SUPT5H: variants seen among roughly 807,000 people sequenced by gnomAD.
SUPT5H encodes SPT5 homolog, DSIF elongation factor subunit.
SUPT5H carries 24 observed loss-of-function variants against 142.5 expected under a neutral mutation model. That is an observed-to-expected ratio of 0.17 (90% CI 0.12 to 0.24). The LOEUF (loss-of-function observed/expected upper bound fraction) is 0.24. Among genes scored for constraint, SUPT5H ranks in the 10% least tolerant of loss-of-function variants. The pLI is 1.00. For missense variants in SUPT5H, 893 were observed against 1,471.8 expected, an observed-to-expected ratio of 0.61 and a Z score of 6.43; for synonymous variants, 546 against 553.0, an observed-to-expected ratio of 0.99 and a Z score of 0.18.
At chr19:39,450,439 G>T (rs1008377373) in intron 2 of SUPT5H, among the ~76,000 whole-genome samples, 5 of 152,140 alleles carry the variant, frequency 3.3e-5, no homozygotes, top group African/African-American at 1.2e-4. Flanking sequence ...CTGCGCCCAG[G>T]CCCAGAGGGG....
chr19:39,465,100 C>T (rs748437503), intron 11 of SUPT5H, 51 bp downstream of exon 11: 21 of 1,565,078 alleles, frequency 1.3e-5, no homozygotes, highest in Admixed American at 1.8e-5. Flanking sequence ...TTCTGTTCTC[C>T]CTTCCTTTCC....
rs1325603606 is a variant in SUPT5H, at chr19:39,466,323, A to C, written c.877-157A>C. 6 of 675,156 alleles carry C rather than the reference A, an allele frequency of 8.9e-6. No homozygotes were observed. Among genetic ancestry groups the C allele is most frequent in the Non-Finnish European group, 1.6e-5 (6 of 379,876 alleles). The allele number at this position is 675,156 out of a possible 1,614,324, so 41.8% of individuals were successfully genotyped here. A position where few individuals can be genotyped will look rare whatever the true frequency, so the allele number is the denominator to read the frequency against. On this transcript the variant is annotated intron_variant, in intron 11 of 29. Coordinates refer to ENST00000432763, the MANE Select transcript of SUPT5H (RefSeq NM_001111020.3). The surrounding 1 kb of genome is among the most constrained non-coding windows in gnomAD (Gnocchi z 4.3). ...TACTCAGTGCCAGAGTTGAGGGGAC[A>C]GACAAGCTAGCGTGGGACTTTTGGG... is the stretch of plus-strand genomic sequence containing the variant.
chr19:39,459,496 T>C (rs1600707090), intron 8 of SUPT5H, 63 bp from the exon 9 acceptor site: 1 of 1,599,068 alleles, frequency 6.3e-7, no homozygotes, highest in Admixed American at 1.7e-5. Context: ...GCCCTGGGGG[T>C]TCGTCTGTTT....
intron 2 of SUPT5H, among the ~76,000 whole-genome samples, chr19:39,451,720 C>T (rs1436167873): frequency 3.3e-5 from 5 of 152,050 alleles, no homozygotes; most frequent in Admixed American, 6.6e-5. Context: ...TTAGTAAAGA[C>T]GGGGTTTCAC....
Position 39,455,498 on chromosome 19 carries a change from G to T in SUPT5H, c.241+1977G>T, listed in dbSNP as rs113853505. Among the ~76,000 whole-genome samples, 292 of 152,050 alleles carry T rather than the reference G, an allele frequency of 1.9e-3. 1 individual carries two copies. Among genetic ancestry groups the T allele is most frequent in the African/African-American group, 6.7e-3 (277 of 41,506 alleles). ...AATTGCTTGAACCCGGGAGGTGGAG[G>T]TTGCAGTGAGCCGAGATTGCTGCAC... On this transcript the variant is annotated intron_variant, in intron 3 of 29. Transcript: ENST00000432763.
In SUPT5H at chr19:39,469,944, C is replaced by T. The variant is rs1022935381; in HGVS notation, c.1375-175C>T. ...GTTGGTGTCCTGTGTCTGGGGTCAG[C>T]TGTTTCTGGGGCAGTCTGAGGGGTC... On this transcript the variant is annotated intron_variant, in intron 16 of 29. Transcript: ENST00000432763. The surrounding 1 kb of genome is among the most constrained non-coding windows in gnomAD (Gnocchi z 5.1). The T allele has an allele frequency of 2.5e-6, 2 of 788,548 alleles. No individual in the cohort carries two copies. Among genetic ancestry groups the T allele is most frequent in the African/African-American group, 1.8e-5 (1 of 56,768 alleles). 48.8% of individuals were successfully genotyped at this position (788,548 alleles called of 1,614,324 possible).
chr19:39,458,176 C>G lies in SUPT5H; in HGVS notation c.308-118C>G, dbSNP rs568281673. 250 of 1,493,666 alleles carry G rather than the reference C, an allele frequency of 1.7e-4. 1 individual carries two copies. In the Middle Eastern group the frequency reaches 1.9e-3, roughly 11 times the overall value. 92.5% of individuals were successfully genotyped at this position (1,493,666 alleles called of 1,614,324 possible). On this transcript the variant is annotated intron_variant, in intron 4 of 29. Coordinates refer to ENST00000432763, the MANE Select transcript of SUPT5H (RefSeq NM_001111020.3). This position sits in a 1 kb window ranked among gnomAD's most constrained non-coding sequence, Gnocchi z 4.2. ...TCTGTGTCCCTCCCTTCCCCTCCCC[C>G]AACCCATTGGTTGATTTTGCTGCTA...
Position 39,474,270 on chromosome 19 carries a change from C to T in SUPT5H, c.2688C>T (p.Pro896=). The change falls in exon 27 of 30, where the codon CCC becomes CCT. Residue 896 remains proline, a synonymous_variant. Transcript: ENST00000432763. The surrounding 1 kb of genome is among the most constrained non-coding windows in gnomAD (Gnocchi z 6.5). The part of the protein sequence containing the change: ...NTDQFSPYAA[P]SPQGSYQPSP... ...ACCAGTTCTCTCCCTATGCTGCCCC[C>T]TCCCCACAAGGTTCCTACCAGCCCA... The T allele has an allele frequency of 1.2e-6, 2 of 1,614,098 alleles. No homozygotes were observed. Among genetic ancestry groups the T allele is most frequent in the Non-Finnish European group, 1.7e-6 (2 of 1,179,980 alleles).
In SUPT5H at chr19:39,474,120, A is replaced by T; in HGVS notation, c.2650A>T (p.Met884Leu). 1.2e-6 allele frequency: 2 copies of T among 1,600,402 alleles called. No individual in the cohort carries two copies. The change falls in exon 26 of 30, where the codon ATG becomes TTG. Residue 884 changes from methionine (M) to leucine (L), a missense_variant and splice_region_variant. Coordinates refer to ENST00000432763, the MANE Select transcript of SUPT5H (RefSeq NM_001111020.3). The surrounding 1 kb of genome is among the most constrained non-coding windows in gnomAD (Gnocchi z 6.5). ...CCCGCAGACGCCAGGGACGCCGGCC[A>T]TGTGAGTCCACTGGGGCCTGCCCTC... Reference protein sequence around the residue: ...YNPQTPGTPAMYNTDQFSPYA... With the variant: ...YNPQTPGTPALYNTDQFSPYA...
In SUPT5H at chr19:39,476,643, C is replaced by A. The variant is rs2079410508; in HGVS notation, c.*244C>A. ...AGCTTGCTTTTGTTGTACCGTCTTT[C>A]AATAAAAAGAAGCTGTTTGGTCTAA... On this transcript the variant is annotated 3_prime_UTR_variant, in exon 30 of 30. Coordinates refer to ENST00000432763, the MANE Select transcript of SUPT5H (RefSeq NM_001111020.3). 2 of 534,436 alleles carry A rather than the reference C, an allele frequency of 3.7e-6. No individual in the cohort carries two copies. Among genetic ancestry groups the A allele is most frequent in the Non-Finnish European group, 6.7e-6 (2 of 299,186 alleles). 33.1% of individuals were successfully genotyped at this position (534,436 alleles called of 1,614,324 possible). A position where few individuals can be genotyped will look rare whatever the true frequency, so the allele number is the denominator to read the frequency against.
chr19:39,466,216 G>A lies in SUPT5H; in HGVS notation c.877-264G>A, dbSNP rs2079233371. 6.6e-6 allele frequency among the ~76,000 whole-genome samples: 1 copy of A among 152,068 alleles called. No individual in the cohort carries two copies. Among genetic ancestry groups the A allele is most frequent in the Non-Finnish European group, 1.5e-5 (1 of 67,990 alleles). On this transcript the variant is annotated intron_variant, in intron 11 of 29. Transcript: ENST00000432763. The surrounding 1 kb of genome is among the most constrained non-coding windows in gnomAD (Gnocchi z 4.3). ...ATGGAGTGGGAGGCGGCAGGTTTGG[G>A]GGAATCAGCGGTTTGGCTGCGGTCG... is the stretch of plus-strand genomic sequence containing the variant.
chr19:39,473,101 C>T lies in SUPT5H; in HGVS notation c.2245C>T (p.Arg749Trp). The change falls in exon 23 of 30, where the codon CGG (arginine) becomes TGG (tryptophan). Residue 749 changes from arginine (R) to tryptophan (W), a missense_variant. By Grantham distance (101) the Arg-to-Trp change is moderately radical. Around this residue, in one of 6 missense-constraint regions of SUPT5H, gnomAD observed 336 missense variants for 546.5 expected, o/e 0.61. Transcript: ENST00000432763. The surrounding 1 kb of genome is among the most constrained non-coding windows in gnomAD (Gnocchi z 5.8). ...CCAGACCATCTCTGTGGACCGTCAG[C>T]GGCTCACCACGGTGTACGGGCGGGG... ...TCQTISVDRQ[R>W]LTTVGSRRPG... 2 of 1,613,226 alleles carry T rather than the reference C, an allele frequency of 1.2e-6. No individual in the cohort carries two copies. Among genetic ancestry groups the T allele is most frequent in the Non-Finnish European group, 1.7e-6 (2 of 1,179,836 alleles).
At chr19:39,460,576 A>G (rs1171741186) in intron 10 of SUPT5H, among the ~76,000 whole-genome samples, 1 of 152,154 alleles carries the variant, frequency 6.6e-6, no homozygotes, top group Non-Finnish European at 1.5e-5. Context: ...CGTCTCTACT[A>G]AAAATACAAA....
At position 39,463,241 on chromosome 19, in the gene SUPT5H, A is replaced by G. The variant is rs371854721; in HGVS notation, c.625-1557A>G. Among the ~76,000 whole-genome samples the G allele has an allele frequency of 2.6e-5, 4 of 151,390 alleles. No individual in the cohort carries two copies. The South Asian group carries it at 6.3e-4, about 24-fold the overall frequency. On this transcript the variant is annotated intron_variant, in intron 10 of 29. Transcript: ENST00000432763. ...GGTATTGAACTCCCGACCTCAAGTG[A>G]TCCTCCTGCCTCGGCCTCCCAAAGT...
Position 39,472,437 on chromosome 19 carries a change from G to T in SUPT5H, c.1979G>T (p.Gly660Val). ...KPRDVTNFTV[G>V]GFAPMSPRIS... The stretch of plus-strand genomic sequence containing the variant: ...CGTGATGTGACCAACTTCACCGTGG[G>T]TGGCTTTGCGCCTATGAGTCCCCGG... Residue 660 changes from glycine (G) to valine (V), a missense_variant, in exon 21 of 30, where the codon GGT becomes GTT. Transcript: ENST00000432763. The surrounding 1 kb of genome is among the most constrained non-coding windows in gnomAD (Gnocchi z 4.2). The T allele has an allele frequency of 1.2e-6, 2 of 1,614,078 alleles. No homozygotes were observed. The highest frequency in any genetic ancestry group is 1.7e-6 in the Non-Finnish European group (2 of 1,179,976).
chr19:39,448,286 A>C (rs1171860324), intron 2 of SUPT5H, among the ~76,000 whole-genome samples: 1 of 152,194 alleles, frequency 6.6e-6, no homozygotes, highest in Non-Finnish European at 1.5e-5. Flanking sequence ...TTTGATTGCC[A>C]ATCTTTATTG....
intron 10 of SUPT5H, among the ~76,000 whole-genome samples, chr19:39,462,682 C>A (rs2079178596): frequency 6.6e-6 from 1 of 151,966 alleles, no homozygotes. Flanking sequence ...AGGCACCCGA[C>A]ACCACGCCTG....
In SUPT5H at chr19:39,469,081, C is replaced by G; in HGVS notation, c.1146C>G (p.Ile382Met). 6.2e-7 allele frequency: 1 copy of G among 1,614,140 alleles called. No individual in the cohort carries two copies. The change falls in exon 15 of 30, where the codon ATC becomes ATG. Residue 382 changes from isoleucine to methionine, a missense_variant and splice_region_variant. By Grantham distance (10) the Ile-to-Met change is conservative. This residue lies in a region of SUPT5H where 428 missense variants were observed against 763.5 expected (regional missense o/e 0.56). Coordinates refer to ENST00000432763, the MANE Select transcript of SUPT5H (RefSeq NM_001111020.3). The surrounding 1 kb of genome is among the most constrained non-coding windows in gnomAD (Gnocchi z 5.1). ...LFKSFAMSAV[I>M]TEGVKPTLSE... is the part of the protein sequence containing the mutation. ...TCCCCTCACCGCTGGGGGCTTAGAT[C>G]ACGGAGGGTGTGAAGCCAACACTCT...
At chr19:39,475,247 AAAAG>A (rs1428775086) in intron 28 of SUPT5H, 3 of 146,796 alleles carry the variant, frequency 2.0e-5, no homozygotes, top group Non-Finnish European at 4.5e-5. Context: ...AAAAAAAAAA[AAAAG>A]CTGGGCATAG....
Sources: allele counts gnomAD v4.1 joint callset (sites outside exome capture counted in the v4.1 genomes callset), GRCh38; gene constraint gnomAD v4.1.1; regional missense constraint gnomAD v4.1.1; non-coding constraint Gnocchi (gnomAD v3.1); transcripts MANE v1.5; gene names NCBI Gene and HGNC (gene_info 2026-07-23, HGNC 2026-07-21).